Variants in UBE2O observed in about 807,000 individuals in gnomAD.
UBE2O encodes the protein ubiquitin conjugating enzyme E2 O.
A neutral mutation model predicts 125.8 loss-of-function variants in UBE2O; 15 were observed. The observed-to-expected ratio is 0.12, with a 90% confidence interval of 0.08 to 0.18. The LOEUF (loss-of-function observed/expected upper bound fraction) is 0.18. Among genes scored for constraint, UBE2O ranks in the 10% least tolerant of loss-of-function variants. UBE2O has a pLI of 1.00. For synonymous variants in UBE2O, 708 were observed against 703.2 expected (o/e 1.01, Z -0.11); for missense variants, 1,280 against 1,723.6 (o/e 0.74, Z 4.56).
intron 5 of UBE2O, 136 bp from the exon 6 acceptor site, chr17:76,401,290 G>A (rs1567835384): frequency 6.7e-6 from 7 of 1,040,308 alleles, no homozygotes. Flanking sequence ...CCTAAAACAA[G>A]TCCTGTGGCT....
intron 1 of UBE2O, among the ~76,000 whole-genome samples, chr17:76,432,034 G>C (rs2072915599): frequency 6.6e-6 from 1 of 152,166 alleles, no homozygotes. Flanking sequence ...AATTAGATTA[G>C]ATTCTTAAAA....
intron 1 of UBE2O, among the ~76,000 whole-genome samples, chr17:76,444,870 T>C (rs1440851629): frequency 1.3e-5 from 2 of 152,054 alleles, no homozygotes; most frequent in African/African-American, 2.4e-5. Context: ...CAGCACTGCA[T>C]ATGTCAAGCC....
chr17:76,430,916 T>A, intron 1 of UBE2O: 1 of 402,024 alleles, frequency 2.5e-6, no homozygotes, highest in Admixed American at 2.8e-5. Flanking sequence ...CATCCTAGCC[T>A]TTCAAATTTC....
chr17:76,398,234 A>G lies in UBE2O; in HGVS notation c.2025+21T>C, dbSNP rs769000142. 73 of 1,613,948 alleles carry G rather than the reference A, an allele frequency of 4.5e-5. No individual in the cohort carries two copies. The highest frequency in any genetic ancestry group is 5.9e-5 in the Non-Finnish European group (70 of 1,179,980). ...CACAGGGCAGTGAGCAGCCATCCAGAACTTGAATTTGAAGGCGTACCTCAT... is the reference window on the plus strand; with the variant it reads ...CACAGGGCAGTGAGCAGCCATCCAGGACTTGAATTTGAAGGCGTACCTCAT... On this transcript the variant is annotated intron_variant, in intron 12 of 17. Coordinates refer to ENST00000319380, the MANE Select transcript of UBE2O (RefSeq NM_022066.4). This position sits in a 1 kb window ranked among gnomAD's most constrained non-coding sequence, Gnocchi z 5.4.
chr17:76,400,648 C>T lies in UBE2O; in HGVS notation c.895-98G>A. On this transcript the variant is annotated intron_variant, in intron 6 of 17. Coordinates refer to ENST00000319380, the MANE Select transcript of UBE2O (RefSeq NM_022066.4). This position sits in a 1 kb window ranked among gnomAD's most constrained non-coding sequence, Gnocchi z 4.3. The stretch of plus-strand genomic sequence containing the variant: ...CCCACTTGACCTCCAGAGCAGGAAA[C>T]TGATCTTCCTAGTGCAGCACCAAGT... The T allele has an allele frequency of 1.3e-6, 1 of 792,536 alleles. No individual in the cohort carries two copies. Among genetic ancestry groups the T allele is most frequent in the South Asian group, 1.7e-5 (1 of 59,744 alleles). 49.1% of individuals were successfully genotyped at this position (792,536 alleles called of 1,614,324 possible). A position where few individuals can be genotyped will look rare whatever the true frequency, so the allele number is the denominator to read the frequency against.
rs2072297060 is a variant in UBE2O, at chr17:76,400,331, G to A, written c.1005-34C>T. On this transcript the variant is annotated intron_variant, in intron 7 of 17. Coordinates refer to ENST00000319380, the MANE Select transcript of UBE2O (RefSeq NM_022066.4). This position sits in a 1 kb window ranked among gnomAD's most constrained non-coding sequence, Gnocchi z 4.3. ...GGAAGAAGTGGGGGTGAGCTGGGCTGGACTCCTGGGAGGCCAGCAGTGTTC... is the reference window on the plus strand; with the variant it reads ...GGAAGAAGTGGGGGTGAGCTGGGCTAGACTCCTGGGAGGCCAGCAGTGTTC... 2.5e-6 allele frequency: 4 copies of A among 1,608,852 alleles called. No homozygotes were observed. In the African/African-American group the frequency reaches 5.3e-5, roughly 21 times the overall value.
At chr17:76,435,610 C>T (rs757728570) in intron 1 of UBE2O, among the ~76,000 whole-genome samples, 8 of 152,204 alleles carry the variant, frequency 5.3e-5, no homozygotes, top group Non-Finnish European at 8.8e-5. Flanking sequence ...AGGTGCTGTG[C>T]TGAGCCCTCT....
At chr17:76,422,300 G>A (rs2072724774) in intron 1 of UBE2O, among the ~76,000 whole-genome samples, 1 of 152,182 alleles carries the variant, frequency 6.6e-6, no homozygotes, top group Non-Finnish European at 1.5e-5. Flanking sequence ...TGGGCAAAGG[G>A]CGGCTCACTT....
chr17:76,391,694 T>C lies in UBE2O; in HGVS notation c.3208+62A>G. ...TACCCTCCACCTGCCAGGGGGACTA[T>C]CAGAGTCACTTTCCTCCACCGGCCC... On this transcript the variant is annotated intron_variant, in intron 17 of 17. Transcript: ENST00000319380. The surrounding 1 kb of genome is among the most constrained non-coding windows in gnomAD (Gnocchi z 8.4). 2 of 1,607,944 alleles carry C rather than the reference T, an allele frequency of 1.2e-6. No homozygotes were observed. The highest frequency in any genetic ancestry group is 1.1e-5 in the South Asian group (1 of 90,128).
At chr17:76,447,900 T>C (rs1483872973) in intron 1 of UBE2O, among the ~76,000 whole-genome samples, 1 of 152,194 alleles carries the variant, frequency 6.6e-6, no homozygotes, top group African/African-American at 2.4e-5. Flanking sequence ...GAATGCTGTC[T>C]GCTAATAACC....
At chr17:76,437,921 C>T (rs1000821) in intron 1 of UBE2O, among the ~76,000 whole-genome samples, 51,086 of 152,048 alleles carry the variant, frequency 0.34, 10,477 homozygotes, top group Non-Finnish European at 0.46. Flanking sequence ...AGATGGGGGA[C>T]AGGCTAAATA....
intron 1 of UBE2O, among the ~76,000 whole-genome samples, chr17:76,444,545 G>T (rs1160972468): frequency 9.5e-4 from 145 of 152,314 alleles, no homozygotes; most frequent in Non-Finnish European, 2.5e-4. Context: ...GGATCAAAAT[G>T]AGGACAAGGA....
chr17:76,404,884 G>C lies in UBE2O; in HGVS notation c.588+322C>G, dbSNP rs2072389618. Among the ~76,000 whole-genome samples the C allele has an allele frequency of 6.6e-6, 1 of 152,070 alleles. No individual in the cohort carries two copies. Among genetic ancestry groups the C allele is most frequent in the East Asian group, 1.9e-4 (1 of 5,188 alleles). On this transcript the variant is annotated intron_variant, in intron 3 of 17. Coordinates refer to ENST00000319380, the MANE Select transcript of UBE2O (RefSeq NM_022066.4). The surrounding 1 kb of genome is among the most constrained non-coding windows in gnomAD (Gnocchi z 4.3). ...GGAATTTACAACTTTTGGTAAGTTT[G>C]AAATCATTAAAAAAATAAACTATTT...
rs1199043413 is a variant in UBE2O, at chr17:76,396,566, T to C, written c.2371A>G (p.Met791Val). ...ATCAGCCCGGCCATGGGGGCAGCCA[T>C]GGCCACAGCCCCCTGGACGGCAGCT... ...ATAAVQGAVA[M>V]AAPMAGLMEK... Residue 791 changes from methionine (M) to valine (V), a missense_variant, in exon 14 of 18, where the codon ATG (methionine) becomes GTG (valine). Physicochemically the swap from Met to Val is conservative, Grantham distance 21. Transcript: ENST00000319380. This position sits in a 1 kb window ranked among gnomAD's most constrained non-coding sequence, Gnocchi z 6.7. 10 of 1,610,112 alleles carry C rather than the reference T, an allele frequency of 6.2e-6. No individual in the cohort carries two copies. Among genetic ancestry groups the C allele is most frequent in the Non-Finnish European group, 8.5e-7 (1 of 1,178,548 alleles).
intron 1 of UBE2O, among the ~76,000 whole-genome samples, chr17:76,412,282 C>T (rs996488806): frequency 2.0e-5 from 3 of 152,166 alleles, no homozygotes; most frequent in Non-Finnish European, 4.4e-5. Context: ...GACTCAAAGA[C>T]CAGATTCCTA....
intron 1 of UBE2O, among the ~76,000 whole-genome samples, chr17:76,439,335 AC>A (rs1383884282): frequency 5.9e-5 from 9 of 152,150 alleles, no homozygotes; most frequent in Admixed American, 5.9e-4. Flanking sequence ...GACTTCTTCC[AC>A]CCCACCTCTA....
intron 1 of UBE2O, among the ~76,000 whole-genome samples, chr17:76,412,294 A>C (rs779415520): frequency 6.6e-6 from 1 of 152,176 alleles, no homozygotes; most frequent in Non-Finnish European, 1.5e-5. Context: ...AGATTCCTAA[A>C]AGGAAGATGA....
intron 1 of UBE2O, among the ~76,000 whole-genome samples, chr17:76,418,928 C>A (rs1221734243): frequency 6.6e-6 from 1 of 152,038 alleles, no homozygotes; most frequent in Non-Finnish European, 1.5e-5. Context: ...TCAACCCAAA[C>A]CCATTGAATA....
rs2072121580 is a variant in UBE2O at position 76,391,978 on chromosome 17, G to A, written c.3082C>T (p.Arg1028Cys). ...HFCYLSQCSG[R>C]LNPNLYDNGK... is the part of the protein sequence containing the mutation. ...TTGTCATACAGGTTGGGGTTCAGGCGGCCACTGCATTGGGAGAGGTAGCAG... is the reference window on the plus strand; with the variant it reads ...TTGTCATACAGGTTGGGGTTCAGGCAGCCACTGCATTGGGAGAGGTAGCAG... The change falls in exon 16 of 18, where the codon CGC becomes TGC. Residue 1028 changes from arginine (R) to cysteine (C), a missense_variant. Physicochemically the swap from Arg to Cys is radical, Grantham distance 180 (BLOSUM62 -3). Transcript: ENST00000319380. The surrounding 1 kb of genome is among the most constrained non-coding windows in gnomAD (Gnocchi z 8.4). 2 of 1,607,530 alleles carry A rather than the reference G, an allele frequency of 1.2e-6. No homozygotes were observed. The highest frequency in any genetic ancestry group is 8.5e-7 in the Non-Finnish European group (1 of 1,177,826).
Sources: allele counts gnomAD v4.1 joint callset (sites outside exome capture counted in the v4.1 genomes callset), GRCh38; gene constraint gnomAD v4.1.1; non-coding constraint Gnocchi (gnomAD v3.1); transcripts MANE v1.5; gene names NCBI Gene and HGNC (gene_info 2026-07-23, HGNC 2026-07-21).